Variants in GAB2 observed in about 807,000 individuals in gnomAD.
GAB2 encodes the protein GRB2 associated binding protein 2, also known as GRB2-associated-binding protein 2.
Under a neutral mutation model 65.5 loss-of-function variants are expected in GAB2, and 26 were observed. The observed-to-expected ratio is 0.40, with a 90% CI of 0.29 to 0.55. The LOEUF (loss-of-function observed/expected upper bound fraction) is 0.55, where lower values mean the gene tolerates loss of function less well. GAB2 is among the 20% of genes least tolerant of loss of function. The pLI, the probability that GAB2 is intolerant of heterozygous loss-of-function variation, is 0.53. For missense variants in GAB2, 884 were observed against 875.8 expected (o/e 1.01, Z -0.12); for synonymous variants, 321 against 329.6 (o/e 0.97, Z 0.28).
chr11:78,407,438 C>A (rs2135090719), intron 1 of GAB2, among the ~76,000 whole-genome samples: 1 of 152,020 alleles, frequency 6.6e-6, no homozygotes, highest in South Asian at 2.1e-4. Context: ...CAAGACCAGC[C>A]TGGCCAACAT....
intron 1 of GAB2, among the ~76,000 whole-genome samples, chr11:78,394,270 A>C (rs1054969110): frequency 6.6e-6 from 1 of 152,142 alleles, no homozygotes; most frequent in Admixed American, 6.5e-5. Context: ...CCTGGGTGAC[A>C]GAGCAAGACT....
intron 1 of GAB2, among the ~76,000 whole-genome samples, chr11:78,296,608 A>T (rs1299266426): frequency 6.6e-6 from 1 of 152,192 alleles, no homozygotes; most frequent in Non-Finnish European, 1.5e-5. Flanking sequence ...GACAAAGAAG[A>T]CACTTGTTTA....
chr11:78,312,770 T>A (rs1387040796), intron 1 of GAB2, among the ~76,000 whole-genome samples: 5 of 152,146 alleles, frequency 3.3e-5, no homozygotes, highest in African/African-American at 1.2e-4. Context: ...GAGGGTGAAG[T>A]GGTTAAGTAA....
chr11:78,286,759 A>G (rs967283726), intron 1 of GAB2, among the ~76,000 whole-genome samples: 1 of 152,204 alleles, frequency 6.6e-6, no homozygotes, highest in Non-Finnish European at 1.5e-5. Context: ...TGTTCCCTTC[A>G]TTCTGATAAG....
rs1864654774 is a variant in GAB2, at chr11:78,226,494, G to A, written c.1178C>T (p.Pro393Leu). Residue 393 changes from proline to leucine, a missense_variant, in exon 4 of 10, where the codon CCT becomes CTT. Physicochemically the swap from Pro to Leu is moderately conservative, Grantham distance 98 (BLOSUM62 -3). Coordinates refer to ENST00000361507, the MANE Select transcript of GAB2 (RefSeq NM_080491.3). ...GTGAAGTCGGCTGTTGTCCATTGCA[G>A]GGAGGGTGTTGCGTCTGGGGATGGT... ...AATIPRRNTLPAMDNSRLHRA... is the reference protein window; with the variant it reads ...AATIPRRNTLLAMDNSRLHRA... 1 of 1,613,966 alleles carries A rather than the reference G, an allele frequency of 6.2e-7. No homozygotes were observed. The highest frequency in any genetic ancestry group is 1.3e-5 in the African/African-American group (1 of 75,010).
At chr11:78,383,253 C>T (rs1222805620) in intron 1 of GAB2, among the ~76,000 whole-genome samples, 2 of 151,932 alleles carry the variant, frequency 1.3e-5, no homozygotes, top group Admixed American at 6.6e-5. Context: ...GACTGGGCAA[C>T]AAGAGCAAAA....
At chr11:78,366,677 C>G (rs978317711) in intron 1 of GAB2, among the ~76,000 whole-genome samples, 2 of 146,546 alleles carry the variant, frequency 1.4e-5, no homozygotes, top group African/African-American at 5.0e-5. Context: ...TACCAAAGAG[C>G]AGGGGTTAAG....
intron 2 of GAB2, among the ~76,000 whole-genome samples, chr11:78,270,855 GA>G (rs1342418399): frequency 6.6e-6 from 1 of 152,338 alleles, no homozygotes; most frequent in African/African-American, 2.4e-5. Flanking sequence ...ACAACGCTGT[GA>G]GGAGCATCAT....
At chr11:78,221,841 C>A in intron 7 of GAB2, 62 bp from the exon 8 acceptor site, 1 of 1,206,700 alleles carries the variant, frequency 8.3e-7, no homozygotes. Context: ...TGTTTCTAGC[C>A]TCCAGCTGGG....
intron 3 of GAB2, among the ~76,000 whole-genome samples, chr11:78,241,409 A>G (rs1865130327): frequency 6.6e-6 from 1 of 152,216 alleles, no homozygotes; most frequent in Non-Finnish European, 1.5e-5. Flanking sequence ...CAAAAAAGGA[A>G]GGAAATATAA....
intron 1 of GAB2, among the ~76,000 whole-genome samples, chr11:78,283,726 TC>T (rs1347558377): frequency 6.6e-6 from 1 of 152,108 alleles, no homozygotes; most frequent in African/African-American, 2.4e-5. Flanking sequence ...AGTTTATTAT[TC>T]CATCCTCTTT....
chr11:78,224,090 AAAAAT>A (rs1864550171), intron 5 of GAB2, among the ~76,000 whole-genome samples: 2 of 152,136 alleles, frequency 1.3e-5, no homozygotes, highest in Non-Finnish European at 2.9e-5. Flanking sequence ...TCAAAAAATA[AAAAAT>A]AAAAAAAAGG....
intron 1 of GAB2, among the ~76,000 whole-genome samples, chr11:78,319,997 T>C (rs1855691978): frequency 6.6e-6 from 1 of 151,958 alleles, no homozygotes; most frequent in Non-Finnish European, 1.5e-5. Context: ...TGCCTCAGCC[T>C]CCTGAGTAGC....
At chr11:78,385,809 T>C (rs556921697) in intron 1 of GAB2, among the ~76,000 whole-genome samples, 6 of 152,296 alleles carry the variant, frequency 3.9e-5, no homozygotes, top group Admixed American at 6.5e-5. Flanking sequence ...CACCCAATGA[T>C]AGGAATCTGT....
chr11:78,311,038 G>A (rs1456571901), intron 1 of GAB2, among the ~76,000 whole-genome samples: 2 of 152,182 alleles, frequency 1.3e-5, no homozygotes, highest in East Asian at 1.9e-4. Context: ...CATTTATTAT[G>A]TGTGAAGCTC....
At chr11:78,263,612 G>A (rs994568856) in intron 2 of GAB2, among the ~76,000 whole-genome samples, 4 of 144,760 alleles carry the variant, frequency 2.8e-5, no homozygotes, top group African/African-American at 1.1e-4. Flanking sequence ...CAACTTGGGC[G>A]ACAGAGTGAG....
intron 1 of GAB2, among the ~76,000 whole-genome samples, chr11:78,315,730 C>T (rs908169761): frequency 2.6e-5 from 4 of 152,076 alleles, no homozygotes; most frequent in African/African-American, 4.8e-5. Flanking sequence ...AAAAGACAAT[C>T]CACTGAATGG....
rs370146637 is a variant in GAB2 at position 78,368,928 on chromosome 11, A to G, written c.75+48718T>C. Among the ~76,000 whole-genome samples the G allele has an allele frequency of 4.0e-4, 61 of 151,992 alleles. 1 individual carries two copies. The South Asian group carries it at 0.012, about 30-fold the overall frequency. On this transcript the variant is annotated intron_variant, in intron 1 of 9. Transcript: ENST00000361507. Reference sequence around the variant, plus strand: ...CCCATCGCTACAAACAAATTTTTTAAAAATTAAAAAATTTTTTAATTTGTT... The same window carrying G: ...CCCATCGCTACAAACAAATTTTTTAGAAATTAAAAAATTTTTTAATTTGTT...
chr11:78,310,540 A>G (rs1464353438), intron 1 of GAB2, among the ~76,000 whole-genome samples: 1 of 151,746 alleles, frequency 6.6e-6, no homozygotes, highest in Admixed American at 6.6e-5. Flanking sequence ...AGAAAAAAAA[A>G]TCAAAATGAA....
Sources: allele counts gnomAD v4.1 joint callset (sites outside exome capture counted in the v4.1 genomes callset), GRCh38; gene constraint gnomAD v4.1.1; transcripts MANE v1.5; gene names NCBI Gene and HGNC (gene_info 2026-07-23, HGNC 2026-07-21).